ARHGEF11: variants seen among roughly 807,000 people sequenced by gnomAD.
ARHGEF11 encodes the protein Rho guanine exchange factor (GEF) 11.
In ARHGEF11, 55 loss-of-function variants were observed where a neutral mutation model predicts 193.7. That is an observed-to-expected ratio of 0.28 (90% CI 0.23 to 0.36). ARHGEF11 has a LOEUF of 0.36. Among genes scored for constraint, ARHGEF11 ranks in the 10% least tolerant of loss-of-function variants. The probability of loss-of-function intolerance (pLI) is 1.00; values close to 1 mark genes in which losing one functional copy is unlikely to be tolerated. For missense variants in ARHGEF11, 1,723 were observed against 2,005.6 expected (o/e 0.86, Z 2.69); for synonymous variants, 693 against 768.0 (o/e 0.90, Z 1.62).
chr1:156,949,086 G>T, intron 22 of ARHGEF11: 1 of 985,440 alleles, frequency 1.0e-6, no homozygotes. Context: ...TAGCCTTCCA[G>T]TTGTGATGTG....
At chr1:156,938,639 G>A (rs1344321411) in intron 37 of ARHGEF11, 126 bp from the exon 38 acceptor site, 5 of 777,524 alleles carry the variant, frequency 6.4e-6, no homozygotes, top group Admixed American at 4.7e-5. Flanking sequence ...GGAAGAACAA[G>A]GTGAACACAA....
At chr1:156,997,556 T>A (rs1325098264) in intron 1 of ARHGEF11, among the ~76,000 whole-genome samples, 1 of 152,176 alleles carries the variant, frequency 6.6e-6, no homozygotes, top group African/African-American at 2.4e-5. Flanking sequence ...ATGCGTGGAA[T>A]GCACTAGAAA....
At chr1:156,954,944 C>A (rs1161048035) in intron 20 of ARHGEF11, 23 bp from the exon 21 acceptor site, 7 of 1,592,526 alleles carry the variant, frequency 4.4e-6, no homozygotes, top group Middle Eastern at 1.7e-4. Context: ...CAAACAAAAA[C>A]AAAAGTAAAC....
intron 1 of ARHGEF11, among the ~76,000 whole-genome samples, chr1:157,017,229 G>T (rs1669356026): frequency 6.6e-6 from 1 of 152,148 alleles, no homozygotes; most frequent in African/African-American, 2.4e-5. Flanking sequence ...GGTCTGCAGA[G>T]ATCATCTCAC....
In ARHGEF11 at chr1:157,022,687, G is replaced by A. The variant is rs1351176260; in HGVS notation, c.32+21612C>T. Among the ~76,000 whole-genome samples, 3 of 152,114 alleles carry A rather than the reference G, an allele frequency of 2.0e-5. No homozygotes were observed. The East Asian group carries it at 5.8e-4, about 29-fold the overall frequency. On this transcript the variant is annotated intron_variant, in intron 1 of 40. Transcript: ENST00000368194. ...ACAAGCTGATCCTAAAATTCATATG[G>A]AAATATAAGTGACCCAGAACGGCCA...
intron 22 of ARHGEF11, chr1:156,949,107 A>G: frequency 1.0e-6 from 1 of 985,400 alleles, no homozygotes; most frequent in Non-Finnish European, 1.2e-6. Flanking sequence ...GATGAGTTCC[A>G]TTCTTATCTT....
At chr1:156,991,414 G>A (rs954583516) in intron 1 of ARHGEF11, among the ~76,000 whole-genome samples, 4 of 152,146 alleles carry the variant, frequency 2.6e-5, no homozygotes, top group Non-Finnish European at 5.9e-5. Context: ...CTGCCTCCTG[G>A]GTTCAAGTGA....
rs775364566 is a variant in ARHGEF11, at chr1:156,948,589, A to C, written c.1926-91T>G. 6.2e-7 allele frequency: 1 copy of C among 1,610,270 alleles called. No individual in the cohort carries two copies. Among genetic ancestry groups the C allele is most frequent in the Non-Finnish European group, 8.5e-7 (1 of 1,179,016 alleles). ...AACTCTTACCTGTGGCTCCATCTCA[A>C]AGATGCCTCCGTGCCACAGGTTCTC... On this transcript the variant is annotated intron_variant, in intron 22 of 40. Transcript: ENST00000368194. The surrounding 1 kb of genome is among the most constrained non-coding windows in gnomAD (Gnocchi z 4.2).
chr1:157,024,450 A>G (rs1282228441), intron 1 of ARHGEF11, among the ~76,000 whole-genome samples: 1 of 152,230 alleles, frequency 6.6e-6, no homozygotes, highest in Non-Finnish European at 1.5e-5. Context: ...GAAAATTCTC[A>G]AACTATAAAA....
Position 156,936,029 on chromosome 1 carries a change from C to T in ARHGEF11, c.4660G>A (p.Ala1554Thr). 1 of 1,613,938 alleles carries T rather than the reference C, an allele frequency of 6.2e-7. No individual in the cohort carries two copies. Among genetic ancestry groups the T allele is most frequent in the Non-Finnish European group, 8.5e-7 (1 of 1,179,876 alleles). ...GSDAPLEDST[A>T]DAAASPGP ...GGTCCTGGTGACGCGGCTGCGTCTG[C>T]TGTGCTGTCTTCCAGGGGGGCGTCA... Residue 1554 changes from alanine to threonine, a missense_variant, in exon 41 of 41, where the codon GCA (alanine) becomes ACA (threonine). Ala to Thr is a moderately conservative substitution (Grantham distance 58). Around this residue, in one of 5 missense-constraint regions of ARHGEF11, gnomAD observed 360 missense variants for 344.4 expected, o/e 1.05. Transcript: ENST00000368194.
chr1:156,986,032 T>A (rs764430769), intron 2 of ARHGEF11, 50 bp downstream of exon 2: 2 of 1,489,642 alleles, frequency 1.3e-6, no homozygotes, highest in Non-Finnish European at 1.9e-6. Flanking sequence ...AATACAGGCA[T>A]GTGCCACCAT....
intron 7 of ARHGEF11, among the ~76,000 whole-genome samples, chr1:156,972,491 C>A (rs951282588): frequency 6.6e-6 from 1 of 152,224 alleles, no homozygotes; most frequent in African/African-American, 2.4e-5. Context: ...AAGTGCTTAG[C>A]AGAATGTCTA....
At chr1:156,998,570 G>A (rs771494293) in intron 1 of ARHGEF11, among the ~76,000 whole-genome samples, 2 of 152,162 alleles carry the variant, frequency 1.3e-5, no homozygotes, top group African/African-American at 2.4e-5. Context: ...TGTAATGTAA[G>A]TACAGTATCT....
intron 1 of ARHGEF11, among the ~76,000 whole-genome samples, chr1:157,022,389 A>G (rs1257292008): frequency 6.6e-6 from 1 of 152,220 alleles, no homozygotes; most frequent in Non-Finnish European, 1.5e-5. Flanking sequence ...AGCAATAAAA[A>G]ATCTGAATGA....
At chr1:157,036,073 A>C (rs1465441805) in intron 1 of ARHGEF11, among the ~76,000 whole-genome samples, 2 of 144,134 alleles carry the variant, frequency 1.4e-5, no homozygotes, top group Non-Finnish European at 3.0e-5. Flanking sequence ...ATATGAATCT[A>C]TATGAATATA....
At chr1:156,982,558 C>T (rs1664334088) in intron 3 of ARHGEF11, among the ~76,000 whole-genome samples, 1 of 152,162 alleles carries the variant, frequency 6.6e-6, no homozygotes, top group Admixed American at 6.5e-5. Context: ...CATGCATGCA[C>T]ACACACACAA....
intron 30 of ARHGEF11, among the ~76,000 whole-genome samples, chr1:156,944,693 CAAG>C (rs766642373): frequency 6.6e-6 from 1 of 152,210 alleles, no homozygotes; most frequent in African/African-American, 2.4e-5. Flanking sequence ...GCTACAGTCC[CAAG>C]AAGATCACAT....
At chr1:156,941,308 A>C (rs918456252) in intron 35 of ARHGEF11, 64 bp downstream of exon 35, 30 of 1,547,162 alleles carry the variant, frequency 1.9e-5, no homozygotes, top group Non-Finnish European at 2.0e-5. Flanking sequence ...CCATACTCAC[A>C]CCCAACCTGT....
Position 156,941,922 on chromosome 1 carries a change from C to A in ARHGEF11, c.3394G>T (p.Val1132Phe). The change falls in exon 34 of 41, where the codon GTC becomes TTC. Residue 1132 changes from valine (V) to phenylalanine (F), a missense_variant. Physicochemically the swap from Val to Phe is conservative, Grantham distance 50 (BLOSUM62 -1). Around this residue, in one of 5 missense-constraint regions of ARHGEF11, gnomAD observed 203 missense variants for 237.3 expected, o/e 0.86. Transcript: ENST00000368194. ...TRHPGAAPMP[V>F]HPPPPGPREP... ...CGGGGACCTGGGGGTGGAGGATGGA[C>A]GGGCATTGGGGCAGCTCCGGGGTGC... is the stretch of plus-strand genomic sequence containing the variant. 3 of 1,614,002 alleles carry A rather than the reference C, an allele frequency of 1.9e-6. No individual in the cohort carries two copies. The highest frequency in any genetic ancestry group is 2.5e-6 in the Non-Finnish European group (3 of 1,179,950).
Sources: allele counts gnomAD v4.1 joint callset (sites outside exome capture counted in the v4.1 genomes callset), GRCh38; gene constraint gnomAD v4.1.1; regional missense constraint gnomAD v4.1.1; non-coding constraint Gnocchi (gnomAD v3.1); transcripts MANE v1.5; gene names NCBI Gene and HGNC (gene_info 2026-07-23, HGNC 2026-07-21).